The following TSHZ1 variants were observed in gnomAD, a reference collection of about 807,000 sequenced individuals.
TSHZ1 encodes teashirt homolog 1.
TSHZ1 carries 12 observed loss-of-function variants against 67.1 expected under a neutral mutation model. The ratio of observed to expected loss-of-function variants is 0.18; its 90% CI spans 0.11 to 0.29. The LOEUF (loss-of-function observed/expected upper bound fraction) is 0.29, where lower values mean the gene tolerates loss of function less well. Among genes scored for constraint, TSHZ1 ranks in the 10% least tolerant of loss-of-function variants. The probability of loss-of-function intolerance (pLI) is 1.00; values close to 1 mark genes in which losing one functional copy is unlikely to be tolerated. For synonymous variants in TSHZ1, 632 were observed against 622.4 expected, an observed-to-expected ratio of 1.02 and a Z score of -0.23; for missense variants, 1,305 against 1,413.9, an observed-to-expected ratio of 0.92 and a Z score of 1.23.
At chr18:75,268,178 T>TCACCTCCTTCCTCTTCATTTTC (rs1396922034) in intron 1 of TSHZ1, among the ~76,000 whole-genome samples, 7 of 152,244 alleles carry the variant, frequency 4.6e-5, no homozygotes, top group Non-Finnish European at 1.0e-4. Context: ...AAGACATCTA[T>TCACCTCCTTCCTCTTCATTTTC]CACCTCCTTC....
intron 1 of TSHZ1, among the ~76,000 whole-genome samples, chr18:75,244,117 T>C (rs1599036831): frequency 6.6e-6 from 1 of 152,246 alleles, no homozygotes; most frequent in South Asian, 2.1e-4. Flanking sequence ...GGAAAGCAGG[T>C]TGAAGACAGC....
intron 1 of TSHZ1, among the ~76,000 whole-genome samples, chr18:75,238,945 C>G (rs980007094): frequency 6.6e-6 from 1 of 152,240 alleles, no homozygotes; most frequent in Non-Finnish European, 1.5e-5. Context: ...ATGGCTGGGT[C>G]CAGGAAATAC....
rs200567367 is a variant in TSHZ1, at chr18:75,288,126, A to C, written c.2719A>C (p.Ser907Arg). 13 of 1,613,904 alleles carry C rather than the reference A, an allele frequency of 8.1e-6. No individual in the cohort carries two copies. In the Admixed American group the frequency reaches 1.0e-4, roughly 12 times the overall value. ...LLILQAQFAS[S>R]LRETTEGKYI... ...CATCCTGCAGGCCCAGTTCGCCTCG[A>C]GCTTGCGGGAGACCACAGAGGGCAA... Residue 907 changes from serine (S) to arginine (R), a missense_variant, in exon 2 of 2, where the codon AGC becomes CGC. By Grantham distance (110) the Ser-to-Arg change is moderately radical (BLOSUM62 -1). Coordinates refer to ENST00000580243, the MANE Select transcript of TSHZ1 (RefSeq NM_001308210.2). The surrounding 1 kb of genome is among the most constrained non-coding windows in gnomAD (Gnocchi z 4.9).
chr18:75,217,961 T>C (rs941982197), intron 1 of TSHZ1, among the ~76,000 whole-genome samples: 2 of 152,224 alleles, frequency 1.3e-5, no homozygotes, highest in South Asian at 2.1e-4. Context: ...TTTCTGTTTT[T>C]AGGTACATGT....
intron 1 of TSHZ1, among the ~76,000 whole-genome samples, chr18:75,252,167 A>G (rs142021504): frequency 2.6e-5 from 4 of 152,314 alleles, no homozygotes; most frequent in Non-Finnish European, 5.9e-5. Context: ...GTTATGCACA[A>G]ATTACTGGAG....
rs905753811 is a variant in TSHZ1 at position 75,211,909 on chromosome 18, C to G, written c.33C>G (p.Arg11=). MPRRKQQAPR[R]SAAYVPEEEL... is the part of the protein sequence containing the mutation. ...GGAGGAAGCAGCAGGCCCCCCGGCG[C>G]TCGGCAGGTAACGGGCGCGCGGCCC... The change falls in exon 1 of 2, where the codon CGC becomes CGG. Residue 11 remains arginine, a synonymous_variant. Transcript: ENST00000580243. The G allele has an allele frequency of 1.9e-5, 23 of 1,203,688 alleles. No homozygotes were observed. The African/African-American group carries it at 3.7e-4, about 19-fold the overall frequency. The allele number at this position is 1,203,688 out of a possible 1,614,324, so 74.6% of individuals were successfully genotyped here.
intron 1 of TSHZ1, among the ~76,000 whole-genome samples, chr18:75,273,371 C>G (rs759114913): frequency 4.6e-4 from 70 of 152,134 alleles, no homozygotes; most frequent in Non-Finnish European, 6.6e-4. Flanking sequence ...TATTAAGACT[C>G]GAGGGAATTT....
intron 1 of TSHZ1, among the ~76,000 whole-genome samples, chr18:75,229,151 A>G (rs890255921): frequency 2.0e-5 from 3 of 152,334 alleles, no homozygotes; most frequent in East Asian, 1.9e-4. Context: ...GTGACATGCC[A>G]TCCCAGGGCA....
intron 1 of TSHZ1, chr18:75,221,207 T>A (rs957988729): frequency 1.1e-4 from 16 of 152,230 alleles, no homozygotes; most frequent in African/African-American, 3.6e-4. Context: ...GCTTATAAAT[T>A]CCAGTTTAAA....
rs759728503 is a variant in TSHZ1 at position 75,287,113 on chromosome 18, G to A, written c.1706G>A (p.Gly569Asp). The change falls in exon 2 of 2, where the codon GGT becomes GAT. Residue 569 changes from glycine (G) to aspartate (D), a missense_variant. Gly to Asp is a moderately conservative substitution (Grantham distance 94, BLOSUM62 -1). This residue lies in a region of TSHZ1 where 909 missense variants were observed against 961.8 expected (regional missense o/e 0.95). Transcript: ENST00000580243. This position sits in a 1 kb window ranked among gnomAD's most constrained non-coding sequence, Gnocchi z 5.0. ...ACGGCCATTAGCAAAGCTCAGAATG[G>A]TGCGCCCTCATGGGGTGGCTACCCC... ...VSTAISKAQNGAPSWGGYPSI... is the reference protein window; with the variant it reads ...VSTAISKAQNDAPSWGGYPSI... The A allele has an allele frequency of 1.2e-6, 2 of 1,614,130 alleles. No homozygotes were observed.
At chr18:75,283,600 T>TGTG (rs1396946336) in intron 1 of TSHZ1, 3 of 152,154 alleles carry the variant, frequency 2.0e-5, no homozygotes, top group African/African-American at 7.2e-5. Flanking sequence ...ATGAAATGCG[T>TGTG]GAACACAGGT....
chr18:75,268,940 G>A (rs1303043910), intron 1 of TSHZ1, among the ~76,000 whole-genome samples: 6 of 152,126 alleles, frequency 3.9e-5, no homozygotes, highest in African/African-American at 1.4e-4. Flanking sequence ...CAGTTGATGT[G>A]TTGTTCCTAT....
chr18:75,286,334 C>T lies in TSHZ1; in HGVS notation c.927C>T (p.Cys309=), dbSNP rs1345191484. Residue 309 remains cysteine (C), a synonymous_variant, in exon 2 of 2, where the codon TGC becomes TGT. Transcript: ENST00000580243. The surrounding 1 kb of genome is among the most constrained non-coding windows in gnomAD (Gnocchi z 5.1). ...GKEDAQKVLK[C]MYCGHSFESL... ...AGGATGCCCAGAAGGTGCTGAAGTG[C>T]ATGTACTGTGGACACTCCTTTGAGT... The T allele has an allele frequency of 1.2e-6, 2 of 1,614,048 alleles. No homozygotes were observed. The highest frequency in any genetic ancestry group is 1.7e-5 in the Admixed American group (1 of 60,024).
intron 1 of TSHZ1, among the ~76,000 whole-genome samples, chr18:75,265,416 A>G (rs1017914271): frequency 6.6e-6 from 1 of 152,226 alleles, no homozygotes; most frequent in African/African-American, 2.4e-5. Flanking sequence ...ACCCATTATC[A>G]TAATTTCACT....
At chr18:75,265,373 T>G (rs993370145) in intron 1 of TSHZ1, among the ~76,000 whole-genome samples, 16 of 152,226 alleles carry the variant, frequency 1.1e-4, no homozygotes, top group Admixed American at 9.2e-4. Context: ...GAAGCTAACA[T>G]GAAATGCGAT....
At chr18:75,272,013 T>C (rs1431700032) in intron 1 of TSHZ1, among the ~76,000 whole-genome samples, 7 of 152,348 alleles carry the variant, frequency 4.6e-5, no homozygotes, top group Admixed American at 2.0e-4. Flanking sequence ...TCCTACCCCA[T>C]AATGGTAATT....
chr18:75,247,550 A>G (rs2122559839), intron 1 of TSHZ1, among the ~76,000 whole-genome samples: 2 of 152,244 alleles, frequency 1.3e-5, no homozygotes, highest in South Asian at 4.1e-4. Flanking sequence ...CTGAAATTTC[A>G]CTTTGGAAAA....
chr18:75,239,177 C>T (rs937814562), intron 1 of TSHZ1, among the ~76,000 whole-genome samples: 1 of 152,264 alleles, frequency 6.6e-6, no homozygotes, highest in Non-Finnish European at 1.5e-5. Flanking sequence ...GAAGGGCCAG[C>T]GCAGGCCAGG....
intron 1 of TSHZ1, among the ~76,000 whole-genome samples, chr18:75,254,412 A>G (rs918691599): frequency 4.6e-5 from 7 of 152,232 alleles, no homozygotes. Flanking sequence ...ATTTTTCTAG[A>G]TCAGAACTAA....
Sources: gnomAD v4.1 joint callset for allele counts (sites outside exome capture counted in the v4.1 genomes callset) on GRCh38, gnomAD v4.1.1 for gene constraint, gnomAD v4.1.1 regional missense constraint, Gnocchi (gnomAD v3.1) non-coding constraint, MANE v1.5 for transcripts, NCBI Gene and HGNC (gene_info 2026-07-23, HGNC 2026-07-21) for gene names.